DTNA: variants seen among roughly 807,000 people sequenced by gnomAD.
DTNA encodes dystrobrevin alpha.
A neutral mutation model predicts 100.7 loss-of-function variants in DTNA; 43 were observed. That is an observed-to-expected ratio of 0.43 (90% CI 0.33 to 0.55). The LOEUF (loss-of-function observed/expected upper bound fraction) is 0.55. Among genes scored for constraint, DTNA ranks in the 20% least tolerant of loss-of-function variants. The probability of loss-of-function intolerance (pLI) is 0.04; values close to 1 mark genes in which losing one functional copy is unlikely to be tolerated. For missense variants in DTNA, 798 were observed against 953.9 expected, an observed-to-expected ratio of 0.84 and a Z score of 2.15; for synonymous variants, 349 against 347.9, an observed-to-expected ratio of 1.00 and a Z score of -0.04.
At chr18:34,673,045 A>G (rs2076964117) in intron 1 of DTNA, among the ~76,000 whole-genome samples, 1 of 152,056 alleles carries the variant, frequency 6.6e-6, no homozygotes, top group South Asian at 2.1e-4. Flanking sequence ...ATAAAACTTG[A>G]TTTTTAATAA....
At chr18:34,819,154 C>T (rs927544930) in intron 8 of DTNA, among the ~76,000 whole-genome samples, 5 of 152,104 alleles carry the variant, frequency 3.3e-5, no homozygotes, top group East Asian at 3.8e-4. Context: ...GGAATAGTTC[C>T]GTCACAAGAA....
rs907963421 is a variant in DTNA, at chr18:34,581,459, G to A, written c.-2+87945G>A. 7.2e-5 allele frequency among the ~76,000 whole-genome samples: 11 copies of A among 152,026 alleles called. No homozygotes were observed. The East Asian group carries it at 1.9e-3, about 27-fold the overall frequency. On this transcript the variant is annotated intron_variant, in intron 1 of 19. Transcript: ENST00000283365. ...TTCTTTGGATTTCTTTGTGTCTTCA[G>A]CTCTCTGATGTGTTTTTTTAAAATA...
chr18:34,521,766 A>C lies in DTNA; in HGVS notation c.-2+28252A>C, dbSNP rs188556670. Among the ~76,000 whole-genome samples, 29 of 152,230 alleles carry C rather than the reference A, an allele frequency of 1.9e-4. No individual in the cohort carries two copies. In the Middle Eastern group the frequency reaches 0.014, roughly 71 times the overall value. On this transcript the variant is annotated intron_variant, in intron 1 of 19. Transcript: ENST00000283365. Reference sequence around the variant, plus strand: ...CTCTGTTCACATATCCTCAGTGACGACTTCTCTACCATTCTGCCTAGTAGA... The same window carrying C: ...CTCTGTTCACATATCCTCAGTGACGCCTTCTCTACCATTCTGCCTAGTAGA...
At chr18:34,740,141 T>C (rs1313258837) in intron 1 of DTNA, among the ~76,000 whole-genome samples, 1 of 152,132 alleles carries the variant, frequency 6.6e-6, no homozygotes, top group Non-Finnish European at 1.5e-5. Context: ...TTTGCTAGCT[T>C]TTATAGGACA....
chr18:34,739,524 G>A (rs1208712232), intron 1 of DTNA, among the ~76,000 whole-genome samples: 2 of 152,140 alleles, frequency 1.3e-5, no homozygotes, highest in Non-Finnish European at 2.9e-5. Context: ...TTCCTTGAAA[G>A]GACTTCTGTG....
intron 4 of DTNA, among the ~76,000 whole-genome samples, chr18:34,795,289 G>T (rs2094923109): frequency 6.6e-6 from 1 of 152,168 alleles, no homozygotes; most frequent in African/African-American, 2.4e-5. Flanking sequence ...CTGTCACTTT[G>T]CAACTTAGAG....
intron 1 of DTNA, among the ~76,000 whole-genome samples, chr18:34,643,414 C>T (rs1162689042): frequency 2.6e-5 from 4 of 152,242 alleles, no homozygotes; most frequent in Non-Finnish European, 5.9e-5. Flanking sequence ...TAAATTATGG[C>T]AGCAGCCTAT....
intron 1 of DTNA, among the ~76,000 whole-genome samples, chr18:34,511,589 A>G (rs1419550113): frequency 2.0e-5 from 3 of 152,056 alleles, no homozygotes; most frequent in Admixed American, 6.6e-5. Flanking sequence ...GCAAACTGCC[A>G]TTCATATGGA....
intron 1 of DTNA, among the ~76,000 whole-genome samples, chr18:34,644,761 G>C (rs1312343397): frequency 6.6e-6 from 1 of 152,020 alleles, no homozygotes; most frequent in Non-Finnish European, 1.5e-5. Flanking sequence ...AATGTAACTG[G>C]CATTAGCGTT....
intron 14 of DTNA, among the ~76,000 whole-genome samples, chr18:34,850,442 T>C (rs1260641533): frequency 6.6e-6 from 1 of 152,222 alleles, no homozygotes. Flanking sequence ...ACCTCAAAAT[T>C]TCTTGTTAGC....
chr18:34,519,223 C>T (rs184768549), intron 1 of DTNA, among the ~76,000 whole-genome samples: 1 of 152,124 alleles, frequency 6.6e-6, no homozygotes, highest in East Asian at 1.9e-4. Flanking sequence ...CGATATGAAG[C>T]TAAAGCTTGT....
At chr18:34,668,645 C>CA (rs1308654433) in intron 1 of DTNA, among the ~76,000 whole-genome samples, 1 of 152,072 alleles carries the variant, frequency 6.6e-6, no homozygotes, top group African/African-American at 2.4e-5. Flanking sequence ...TCGTTGGTTT[C>CA]AAAAAACATC....
chr18:34,730,975 T>G (rs2087989046), intron 1 of DTNA, among the ~76,000 whole-genome samples: 1 of 152,172 alleles, frequency 6.6e-6, no homozygotes, highest in African/African-American at 2.4e-5. Flanking sequence ...TGCCTCCAGA[T>G]AGTTTCCTAG....
chr18:34,576,136 T>TG (rs2048093025), intron 1 of DTNA, among the ~76,000 whole-genome samples: 1 of 152,218 alleles, frequency 6.6e-6, no homozygotes, highest in Admixed American at 6.5e-5. Context: ...GTCCTGATCC[T>TG]GGGCTCAAAC....
At chr18:34,665,427 A>ATATTTTT (rs2075778588) in intron 1 of DTNA, among the ~76,000 whole-genome samples, 1 of 151,882 alleles carries the variant, frequency 6.6e-6, no homozygotes, top group Non-Finnish European at 1.5e-5. Context: ...ATTTATATAT[A>ATATTTTT]TATTTTTTAT....
intron 1 of DTNA, among the ~76,000 whole-genome samples, chr18:34,712,746 G>A (rs1157237272): frequency 1.3e-5 from 2 of 152,074 alleles, no homozygotes; most frequent in African/African-American, 4.8e-5. Flanking sequence ...TGAATAATTT[G>A]TAGTGTTTGT....
In DTNA at chr18:34,815,971, G is replaced by C; in HGVS notation, c.666G>C (p.Leu222=). 6.2e-7 allele frequency: 1 copy of C among 1,613,798 alleles called. No individual in the cohort carries two copies. Among genetic ancestry groups the C allele is most frequent in the African/African-American group, 1.3e-5 (1 of 74,996 alleles). The change falls in exon 7 of 23, where the codon CTG becomes CTC. Residue 222 remains leucine (L), a synonymous_variant. Transcript: ENST00000444659. ...TGTCAGATCCTCCCCCGCAGTGTCT[G>C]GTCTGGTTGCCTCTTCTGCATCGAC... is the stretch of plus-strand genomic sequence containing the variant. The part of the protein sequence containing the change: ...TLMSDPPPQC[L]VWLPLLHRLA...
intron 1 of DTNA, among the ~76,000 whole-genome samples, chr18:34,541,646 GTCT>G (rs2044257042): frequency 6.6e-6 from 1 of 152,064 alleles, no homozygotes; most frequent in Non-Finnish European, 1.5e-5. Context: ...TCTCCAGTAT[GTCT>G]TTATTAGCAG....
intron 1 of DTNA, among the ~76,000 whole-genome samples, chr18:34,561,710 A>G (rs755375792): frequency 6.6e-6 from 1 of 152,144 alleles, no homozygotes; most frequent in Non-Finnish European, 1.5e-5. Context: ...ATCGTACCTC[A>G]TAATTTATAG....
Sources: allele counts gnomAD v4.1 joint callset (sites outside exome capture counted in the v4.1 genomes callset), GRCh38; gene constraint gnomAD v4.1.1; transcripts MANE v1.5; gene names NCBI Gene and HGNC (gene_info 2026-07-23, HGNC 2026-07-21).